FAAH2: variants seen among roughly 807,000 people sequenced by gnomAD.
FAAH2 encodes the protein fatty-acid amide hydrolase 2.
A neutral mutation model predicts 36.9 loss-of-function variants in FAAH2; 60 were observed. The observed-to-expected ratio is 1.63, with a 90% CI of 1.32 to 2.02. FAAH2 has a LOEUF of 2.02. Ranked by LOEUF, FAAH2 falls within the 30% of genes most tolerant of loss-of-function variation. The pLI is 0.00. For synonymous variants in FAAH2, 214 were observed against 143.8 expected (o/e 1.49, Z -3.49); for missense variants, 689 against 397.5 (o/e 1.73, Z -6.23).
At chrX:57,231,394 A>G in the FAAH2 span, among the ~76,000 whole-genome samples, 1 of 111,104 alleles carries the variant, frequency 9.0e-6, no homozygotes, top group African/African-American at 3.3e-5. Flanking sequence ...AATAGGTTCC[A>G]TGTTCTGGAC....
chrX:57,452,941 A>C (rs2056810589), intron 10 of FAAH2, among the ~76,000 whole-genome samples: 1 of 112,022 alleles, frequency 8.9e-6, no homozygotes, highest in Non-Finnish European at 1.9e-5. Context: ...CACACTGGGT[A>C]GGGCAAGGCA....
At chrX:57,351,894 A>T (rs1243267392) in intron 5 of FAAH2, among the ~76,000 whole-genome samples, 1 of 103,877 alleles carries the variant, frequency 9.6e-6, no homozygotes, top group Non-Finnish European at 2.0e-5. Flanking sequence ...AAATAAATAA[A>T]GAACTATACC....
At chrX:57,416,504 A>T (rs957932470) in intron 7 of FAAH2, among the ~76,000 whole-genome samples, 6 of 111,819 alleles carry the variant, frequency 5.4e-5, no homozygotes, top group African/African-American at 2.0e-4. Context: ...GTTTAGCTGG[A>T]TGTGAAATTC....
At chrX:57,207,508 C>T in the FAAH2 span, among the ~76,000 whole-genome samples, 1 of 111,842 alleles carries the variant, frequency 8.9e-6, no homozygotes, top group African/African-American at 3.3e-5. Flanking sequence ...TTTGATTCAC[C>T]CAATAAGCTG....
chrX:57,159,380 G>T, the FAAH2 span, among the ~76,000 whole-genome samples: 1 of 111,820 alleles, frequency 8.9e-6, no homozygotes, highest in Non-Finnish European at 1.9e-5. Flanking sequence ...TATGAAGAAA[G>T]TCATTGGTAG....
chrX:57,489,172 C>A lies in FAAH2; in HGVS notation c.*240C>A. On this transcript the variant is annotated 3_prime_UTR_variant, in exon 11 of 11. Coordinates refer to ENST00000374900, the MANE Select transcript of FAAH2 (RefSeq NM_174912.4). ...ATTAGGACATGTAAATGGATAAGTGCAATAAAGTTTCCTAAATGCTGGAAT... is the reference window on the plus strand; with the variant it reads ...ATTAGGACATGTAAATGGATAAGTGAAATAAAGTTTCCTAAATGCTGGAAT... 3.0e-6 allele frequency: 1 copy of A among 327,958 alleles called. No homozygotes were observed. The highest frequency in any genetic ancestry group is 5.2e-6 in the Non-Finnish European group (1 of 193,425). The allele number at this position is 327,958 out of a possible 1,213,427, so 27.0% of individuals were successfully genotyped here. A position where few individuals can be genotyped will look rare whatever the true frequency, so the allele number is the denominator to read the frequency against.
chrX:57,299,993 G>T (rs1488430804), intron 2 of FAAH2, among the ~76,000 whole-genome samples: 1 of 111,529 alleles, frequency 9.0e-6, no homozygotes, highest in Non-Finnish European at 1.9e-5. Context: ...CATGCTCATG[G>T]GTAGGAAGAA....
At chrX:57,429,033 A>G (rs906899439) in intron 7 of FAAH2, among the ~76,000 whole-genome samples, 1 of 111,708 alleles carries the variant, frequency 9.0e-6, no homozygotes, top group Non-Finnish European at 1.9e-5. Context: ...ACATCTCAAC[A>G]ACAACAAATA....
chrX:57,296,684 C>A (rs2052172123), intron 2 of FAAH2, among the ~76,000 whole-genome samples: 1 of 111,112 alleles, frequency 9.0e-6, no homozygotes, highest in African/African-American at 3.3e-5. Flanking sequence ...GAACCCATGA[C>A]AAAGAAGTTA....
At chrX:57,246,710 T>C in the FAAH2 span, among the ~76,000 whole-genome samples, 1 of 112,378 alleles carries the variant, frequency 8.9e-6, no homozygotes, top group Non-Finnish European at 1.9e-5. Context: ...GTAAGTCTTG[T>C]GGCACTGTGC....
At chrX:57,479,373 C>A (rs1242779962) in intron 10 of FAAH2, among the ~76,000 whole-genome samples, 2 of 111,744 alleles carry the variant, frequency 1.8e-5, no homozygotes, top group African/African-American at 6.5e-5. Flanking sequence ...TGCTTATCAG[C>A]TTAAGGAGAT....
intron 2 of FAAH2, among the ~76,000 whole-genome samples, chrX:57,296,798 A>G (rs750461272): frequency 6.2e-5 from 7 of 112,161 alleles, no homozygotes; most frequent in African/African-American, 2.3e-4. Context: ...CCAGAACTAC[A>G]TGATGAATGC....
At chrX:57,417,474 ACAGT>A (rs1420839158) in intron 7 of FAAH2, among the ~76,000 whole-genome samples, 1 of 110,722 alleles carries the variant, frequency 9.0e-6, no homozygotes, top group Non-Finnish European at 1.9e-5. Context: ...CTATTTTCTA[ACAGT>A]CAGGCCCCTC....
chrX:57,217,792 G>T, the FAAH2 span, among the ~76,000 whole-genome samples: 1 of 111,607 alleles, frequency 9.0e-6, no homozygotes. Flanking sequence ...ATGAATTTTA[G>T]AATTGTTTTT....
intron 9 of FAAH2, among the ~76,000 whole-genome samples, chrX:57,447,961 A>T (rs185944382): frequency 8.9e-6 from 1 of 111,890 alleles, no homozygotes; most frequent in Admixed American, 9.5e-5. Context: ...TTTTCTATCC[A>T]TCATCAGGCT....
chrX:57,199,548 A>T, the FAAH2 span, among the ~76,000 whole-genome samples: 1 of 111,514 alleles, frequency 9.0e-6, no homozygotes, highest in Non-Finnish European at 1.9e-5. Flanking sequence ...CAGTATGTGT[A>T]CCCTGCAACC....
the FAAH2 span, among the ~76,000 whole-genome samples, chrX:57,168,611 A>G: frequency 9.0e-6 from 1 of 111,708 alleles, no homozygotes; most frequent in Non-Finnish European, 1.9e-5. Flanking sequence ...CCATCCATTT[A>G]TTAATTGTTC....
chrX:57,126,193 A>G, the FAAH2 span, among the ~76,000 whole-genome samples: 1 of 112,486 alleles, frequency 8.9e-6, no homozygotes, highest in East Asian at 2.8e-4. Context: ...AACAATTCAT[A>G]CTCTATCAGT....
At chrX:57,225,043 T>C in the FAAH2 span, among the ~76,000 whole-genome samples, 1 of 112,424 alleles carries the variant, frequency 8.9e-6, no homozygotes, top group African/African-American at 3.2e-5. Context: ...ATTTTCTTGG[T>C]TAATCTTGCT....
Sources: gnomAD v4.1 joint callset for allele counts (sites outside exome capture counted in the v4.1 genomes callset) on GRCh38, gnomAD v4.1.1 for gene constraint, MANE v1.5 for transcripts, NCBI Gene and HGNC (gene_info 2026-07-23, HGNC 2026-07-21) for gene names.